Variants in REPS2 observed in about 807,000 individuals in gnomAD.
REPS2 encodes the protein ralBP1-associated Eps domain-containing protein 2.
A neutral mutation model predicts 53.6 loss-of-function variants in REPS2; 23 were observed. That is an observed-to-expected ratio of 0.43 (90% CI 0.31 to 0.61). The LOEUF (loss-of-function observed/expected upper bound fraction) is 0.61, where lower values mean the gene tolerates loss of function less well. REPS2 is among the 20% of genes least tolerant of loss of function. REPS2 has a pLI of 0.11. For missense variants in REPS2, 446 were observed against 534.9 expected, an observed-to-expected ratio of 0.83 and a Z score of 1.64; for synonymous variants, 238 against 218.6, an observed-to-expected ratio of 1.09 and a Z score of -0.78.
intron 1 of REPS2, among the ~76,000 whole-genome samples, chrX:16,985,953 C>G (rs1010008372): frequency 8.9e-6 from 1 of 111,891 alleles, no homozygotes; most frequent in Non-Finnish European, 1.9e-5. Context: ...CATTATCAAT[C>G]TTAAGAATTT....
rs185003394 is a variant in REPS2, at chrX:17,093,564, G to A, written c.1517-10154G>A. 2.5e-4 allele frequency among the ~76,000 whole-genome samples: 27 copies of A among 109,724 alleles called. 1 individual carries two copies. In the East Asian group the frequency reaches 4.6e-3, roughly 19 times the overall value. On this transcript the variant is annotated intron_variant, in intron 13 of 17. Transcript: ENST00000357277. ...CTTAGGAGAATGCACTCTGCTGCAG[G>A]GTTTTAAAATGTTGATTATTTTGGT... is the stretch of plus-strand genomic sequence containing the variant.
intron 7 of REPS2, among the ~76,000 whole-genome samples, chrX:17,053,676 G>T (rs1261643732): frequency 1.8e-5 from 2 of 112,126 alleles, no homozygotes; most frequent in African/African-American, 6.5e-5. Context: ...GAAGAATAAA[G>T]AAATTATCAT....
rs746338199 is a variant in REPS2 at position 17,006,248 on chromosome X, G to A, written c.301G>A (p.Val101Ile). The A allele has an allele frequency of 4.2e-5, 51 of 1,211,035 alleles. No homozygotes were observed. The highest frequency in any genetic ancestry group is 5.6e-5 in the Non-Finnish European group (50 of 894,742). The change falls in exon 2 of 18, where the codon GTT becomes ATT. Residue 101 changes from valine (V) to isoleucine (I), a missense_variant. Transcript: ENST00000357277. ...CACAGAACTGTGTGGTGCAAAGCGG[G>A]TTGGTTATTTTGGTCCAACACAGTT... ...QITELCGAKRVGYFGPTQFYI... is the reference protein window; with the variant it reads ...QITELCGAKRIGYFGPTQFYI...
rs763948295 is a variant in REPS2 at position 17,047,474 on chromosome X, T to C, written c.899T>C (p.Phe300Ser). 1 of 1,207,580 alleles carries C rather than the reference T, an allele frequency of 8.3e-7. No individual in the cohort carries two copies. The highest frequency in any genetic ancestry group is 3.0e-5 in the East Asian group (1 of 33,671). Residue 300 changes from phenylalanine (F) to serine (S), a missense_variant, in exon 6 of 18, where the codon TTC becomes TCC. Physicochemically the swap from Phe to Ser is radical, Grantham distance 155. Transcript: ENST00000357277. Reference sequence around the variant, plus strand: ...TCCCTTCAGCCAGACCCAAGCTCTTTCATTTCAGGTAAGAATGTGGGCTCC... The same window carrying C: ...TCCCTTCAGCCAGACCCAAGCTCTTCCATTTCAGGTAAGAATGTGGGCTCC... ...FRSLQPDPSS[F>S]ISGSVAKNFF... is the part of the protein sequence containing the mutation.
At chrX:17,085,603 C>T (rs996551423) in intron 13 of REPS2, among the ~76,000 whole-genome samples, 7 of 111,741 alleles carry the variant, frequency 6.3e-5, no homozygotes, top group Non-Finnish European at 1.3e-4. Flanking sequence ...AAATGTATTC[C>T]TAAAAGTTTT....
intron 4 of REPS2, among the ~76,000 whole-genome samples, chrX:17,029,103 T>TAG: frequency 8.9e-6 from 1 of 112,232 alleles, no homozygotes; most frequent in Middle Eastern, 4.2e-3. Context: ...TGTTGGTTCT[T>TAG]AGTGTTCAAA....
At chrX:17,017,951 TG>T (rs2061520202) in intron 2 of REPS2, among the ~76,000 whole-genome samples, 1 of 112,051 alleles carries the variant, frequency 8.9e-6, no homozygotes. Flanking sequence ...CATGTTGAAA[TG>T]ATAATATTGG....
downstream of REPS2, among the ~76,000 whole-genome samples, chrX:17,154,254 A>G (rs922554240): frequency 8.9e-6 from 1 of 112,061 alleles, no homozygotes. Flanking sequence ...TCCAGGGCAT[A>G]GTTTTTGCTG....
At chrX:17,181,794 G>C in the REPS2 span, among the ~76,000 whole-genome samples, 2 of 111,864 alleles carry the variant, frequency 1.8e-5, no homozygotes, top group African/African-American at 3.3e-5. Context: ...GGCCATTCAA[G>C]TAAAACTACA....
At chrX:17,087,699 C>T (rs111486054) in intron 13 of REPS2, among the ~76,000 whole-genome samples, 2,744 of 111,193 alleles carry the variant, frequency 0.025, 90 homozygotes, top group African/African-American at 0.087. Context: ...CCCTGGGAGG[C>T]CGAGGTGGGT....
intron 14 of REPS2, 76 bp downstream of exon 14, chrX:17,103,855 G>T: frequency 1.1e-6 from 1 of 939,257 alleles, no homozygotes; most frequent in Non-Finnish European, 1.5e-6. Flanking sequence ...CTTTGCAAGG[G>T]TTGATCGCCA....
chrX:17,122,568 A>C (rs1455971705), intron 14 of REPS2, among the ~76,000 whole-genome samples: 1 of 112,017 alleles, frequency 8.9e-6, no homozygotes, highest in Admixed American at 9.4e-5. Context: ...TAGAATTTCT[A>C]GGTCATGGTG....
intron 1 of REPS2, among the ~76,000 whole-genome samples, chrX:16,999,650 A>G (rs187136418): frequency 1.3e-4 from 15 of 111,911 alleles, no homozygotes; most frequent in South Asian, 3.7e-4. Context: ...TTGATTTGCA[A>G]TGTGGGAGTA....
At chrX:16,956,284 GTTTTTTTTTTTTTTTTTTT>G (rs869259012) in intron 1 of REPS2, among the ~76,000 whole-genome samples, 4 of 24,747 alleles carry the variant, frequency 1.6e-4, no homozygotes, top group Admixed American at 8.4e-4. Context: ...AACCACAGCA[GTTTTTTTTTTTTTTTTTTT>G]TTTTTTTTTT....
the REPS2 span, among the ~76,000 whole-genome samples, chrX:17,180,877 A>G: frequency 4.5e-5 from 5 of 112,022 alleles, no homozygotes. Context: ...GGTAAGCAGC[A>G]GAGTGCCAGG....
intron 1 of REPS2, among the ~76,000 whole-genome samples, chrX:16,965,097 C>T (rs2060730590): frequency 1.1e-5 from 1 of 91,821 alleles, no homozygotes; most frequent in Admixed American, 1.1e-4. Context: ...GGGCTGACCC[C>T]CCCACCTCCC....
chrX:16,948,648 T>G (rs1157442735), intron 1 of REPS2, among the ~76,000 whole-genome samples: 1 of 112,226 alleles, frequency 8.9e-6, no homozygotes, highest in Non-Finnish European at 1.9e-5. Context: ...GTGGGCATAG[T>G]AAATCTGAAT....
At chrX:16,968,507 G>A (rs1486178614) in intron 1 of REPS2, among the ~76,000 whole-genome samples, 3 of 102,570 alleles carry the variant, frequency 2.9e-5, no homozygotes. Context: ...GGGGCGGCTG[G>A]CCGGGCGGGG....
chrX:17,135,543 A>G, intron 16 of REPS2, 137 bp downstream of exon 16: 1 of 768,002 alleles, frequency 1.3e-6, no homozygotes, highest in Non-Finnish European at 1.9e-6. Context: ...CATCTCTGTG[A>G]TGGGATTCAA....
Sources: gnomAD v4.1 joint callset for allele counts (sites outside exome capture counted in the v4.1 genomes callset) on GRCh38, gnomAD v4.1.1 for gene constraint, MANE v1.5 for transcripts, NCBI Gene and HGNC (gene_info 2026-07-23, HGNC 2026-07-21) for gene names.